CPPED1: variants seen among roughly 807,000 people sequenced by gnomAD.
CPPED1 encodes calcineurin like phosphoesterase domain containing 1.
Under a neutral mutation model 28.0 loss-of-function variants are expected in CPPED1, and 28 were observed. That is an observed-to-expected ratio of 1.00 (90% confidence interval 0.74 to 1.37). CPPED1 has a LOEUF of 1.37. CPPED1 is among the 40% of genes most tolerant of loss of function. The pLI is 0.00. For missense variants in CPPED1, 504 were observed against 416.5 expected (o/e 1.21, Z -1.83); for synonymous variants, 198 against 180.2 (o/e 1.10, Z -0.79).
At position 12,664,834 on chromosome 16, in the gene CPPED1, G is replaced by A; in HGVS notation, c.*52C>T. ...AGGTTGTGTGCAGCTGCTGTTTCTG[G>A]CAAAATAAAAAAATAGTGCAAGTGA... On this transcript the variant is annotated 3_prime_UTR_variant, in exon 4 of 4. Transcript: ENST00000381774. This position sits in a 1 kb window ranked among gnomAD's most constrained non-coding sequence, Gnocchi z 4.2. 1 of 1,604,114 alleles carries A rather than the reference G, an allele frequency of 6.2e-7. No homozygotes were observed. The highest frequency in any genetic ancestry group is 8.5e-7 in the Non-Finnish European group (1 of 1,177,318).
At chr16:12,718,306 A>C (rs2080118266) in intron 2 of CPPED1, among the ~76,000 whole-genome samples, 2 of 152,222 alleles carry the variant, frequency 1.3e-5, no homozygotes, top group African/African-American at 4.8e-5. Context: ...TGGCAGGCCA[A>C]GGCGGGCGGA....
chr16:12,673,201 G>C (rs1238053824), intron 3 of CPPED1, among the ~76,000 whole-genome samples: 1 of 152,066 alleles, frequency 6.6e-6, no homozygotes, highest in Non-Finnish European at 1.5e-5. Context: ...CAACTGAAAG[G>C]CTCCAATCGT....
chr16:12,686,888 G>T (rs1236681709), intron 3 of CPPED1, among the ~76,000 whole-genome samples: 3 of 151,116 alleles, frequency 2.0e-5, no homozygotes, highest in Non-Finnish European at 4.4e-5. Flanking sequence ...TTTTTTTTTT[G>T]AAAAGAACTG....
At chr16:12,707,177 G>C (rs552357889) in intron 2 of CPPED1, among the ~76,000 whole-genome samples, 1 of 152,304 alleles carries the variant, frequency 6.6e-6, no homozygotes, top group East Asian at 1.9e-4. Flanking sequence ...AGCGACCCTT[G>C]TGGTCCAAGG....
chr16:12,665,155 T>G, intron 3 of CPPED1, 40 bp from the exon 4 acceptor site: 1 of 1,570,826 alleles, frequency 6.4e-7, no homozygotes, highest in Non-Finnish European at 8.6e-7. Flanking sequence ...GCCGAGGACT[T>G]CCATTAGGTA....
chr16:12,752,304 A>G (rs2080335082), intron 2 of CPPED1, among the ~76,000 whole-genome samples: 1 of 152,144 alleles, frequency 6.6e-6, no homozygotes, highest in Admixed American at 6.6e-5. Context: ...TATGACATAA[A>G]CTGGCTCCTG....
intron 2 of CPPED1, among the ~76,000 whole-genome samples, chr16:12,772,477 G>A (rs1596479573): frequency 6.6e-6 from 1 of 152,070 alleles, no homozygotes; most frequent in East Asian, 1.9e-4. Flanking sequence ...CTACCTAAGT[G>A]GATTATTCTG....
Position 12,709,648 on chromosome 16 carries a change from A to C in CPPED1, c.290-4599T>G, listed in dbSNP as rs1265854120. On this transcript the variant is annotated intron_variant, in intron 2 of 3. Coordinates refer to ENST00000381774, the MANE Select transcript of CPPED1 (RefSeq NM_018340.3). This position sits in a 1 kb window ranked among gnomAD's most constrained non-coding sequence, Gnocchi z 4.4. Reference sequence around the variant, plus strand: ...TTGGTTGTTTTCCAAATAGCCTTAAAATACATTGTCTAATAAAATCTCTTT... The same window carrying C: ...TTGGTTGTTTTCCAAATAGCCTTAACATACATTGTCTAATAAAATCTCTTT... Among the ~76,000 whole-genome samples, 1 of 152,184 alleles carries C rather than the reference A, an allele frequency of 6.6e-6. No homozygotes were observed.
intron 3 of CPPED1, among the ~76,000 whole-genome samples, chr16:12,666,379 G>A (rs558298998): frequency 4.9e-4 from 74 of 152,348 alleles, no homozygotes; most frequent in African/African-American, 1.4e-3. Context: ...AGCATTTTCA[G>A]GGGAAAATGG....
At chr16:12,723,831 C>A (rs1325243089) in intron 2 of CPPED1, among the ~76,000 whole-genome samples, 2 of 152,110 alleles carry the variant, frequency 1.3e-5, no homozygotes, top group South Asian at 2.1e-4. Flanking sequence ...TTGTAGCATG[C>A]CTCACTTCTC....
At chr16:12,744,274 G>C (rs1024329412) in intron 2 of CPPED1, among the ~76,000 whole-genome samples, 2 of 128,174 alleles carry the variant, frequency 1.6e-5, no homozygotes, top group African/African-American at 5.9e-5. Flanking sequence ...CTGTGAAAGA[G>C]AGAGAGAGAG....
intron 2 of CPPED1, among the ~76,000 whole-genome samples, chr16:12,759,733 A>C (rs2080397207): frequency 6.6e-6 from 1 of 152,218 alleles, no homozygotes; most frequent in African/African-American, 2.4e-5. Flanking sequence ...AGTGTTGGGC[A>C]GTTGCCCCTT....
At chr16:12,743,245 C>T (rs910725243) in intron 2 of CPPED1, among the ~76,000 whole-genome samples, 2 of 151,990 alleles carry the variant, frequency 1.3e-5, no homozygotes, top group African/African-American at 4.8e-5. Flanking sequence ...CACAGAAAGA[C>T]TATTCAAAAA....
chr16:12,672,784 T>C (rs1432671628), intron 3 of CPPED1, among the ~76,000 whole-genome samples: 9 of 152,104 alleles, frequency 5.9e-5, no homozygotes, highest in African/African-American at 2.2e-4. Context: ...GAGGCCGAGG[T>C]GGGCAGATCA....
chr16:12,801,207 C>G (rs1308678271), intron 1 of CPPED1, among the ~76,000 whole-genome samples: 1 of 152,184 alleles, frequency 6.6e-6, no homozygotes, highest in Non-Finnish European at 1.5e-5. Context: ...AATTCTCCTG[C>G]CATAGCCTCC....
intron 1 of CPPED1, among the ~76,000 whole-genome samples, chr16:12,802,298 C>A (rs1198650997): frequency 6.6e-6 from 1 of 152,052 alleles, no homozygotes; most frequent in Non-Finnish European, 1.5e-5. Context: ...AAGACAAGGT[C>A]CATTAAAATA....
At chr16:12,791,097 A>C (rs9932847) in intron 1 of CPPED1, among the ~76,000 whole-genome samples, 38,210 of 150,280 alleles carry the variant, frequency 0.25, 6,182 homozygotes, top group African/African-American at 0.46. Context: ...TGTGCAGAAC[A>C]CGCAGGTTTG....
chr16:12,786,149 G>T (rs2080561960), intron 1 of CPPED1, among the ~76,000 whole-genome samples: 1 of 152,228 alleles, frequency 6.6e-6, no homozygotes, highest in South Asian at 2.1e-4. Flanking sequence ...AGAGATGGCA[G>T]GGCTGGGCCA....
intron 3 of CPPED1, among the ~76,000 whole-genome samples, chr16:12,696,659 T>C (rs1468984552): frequency 1.3e-5 from 2 of 152,148 alleles, no homozygotes; most frequent in Non-Finnish European, 2.9e-5. Flanking sequence ...GCCAGGCTGG[T>C]CTCGAACTCC....
Sources: allele counts gnomAD v4.1 joint callset (sites outside exome capture counted in the v4.1 genomes callset), GRCh38; gene constraint gnomAD v4.1.1; non-coding constraint Gnocchi (gnomAD v3.1); transcripts MANE v1.5; gene names NCBI Gene and HGNC (gene_info 2026-07-23, HGNC 2026-07-21).